PDZD2: variants seen among roughly 807,000 people sequenced by gnomAD.
PDZD2 encodes PDZ domain containing 2, also known as PDZ domain-containing protein 2.
A neutral mutation model predicts 220.7 loss-of-function variants in PDZD2; 90 were observed. The observed-to-expected ratio is 0.41, with a 90% CI of 0.34 to 0.49. The LOEUF is 0.49. Among genes scored for constraint, PDZD2 ranks in the 20% least tolerant of loss-of-function variants. PDZD2 has a pLI of 0.28. For missense variants in PDZD2, 3,174 were observed against 3,608.5 expected (o/e 0.88, Z 3.08); for synonymous variants, 1,375 against 1,450.5 (o/e 0.95, Z 1.18).
At chr5:31,743,068 C>G (rs984841075) in intron 1 of PDZD2, among the ~76,000 whole-genome samples, 6 of 152,194 alleles carry the variant, frequency 3.9e-5, no homozygotes, top group African/African-American at 1.2e-4. Context: ...AGCATTAGTA[C>G]TCTTTTCCCC....
chr5:31,670,207 A>G (rs1000941682), intron 1 of PDZD2, among the ~76,000 whole-genome samples: 1 of 152,164 alleles, frequency 6.6e-6, no homozygotes, highest in Non-Finnish European at 1.5e-5. Context: ...GAAGAAATGT[A>G]CATACATCCT....
chr5:31,968,007 T>C (rs144422441), intron 2 of PDZD2, among the ~76,000 whole-genome samples: 34 of 152,322 alleles, frequency 2.2e-4, no homozygotes, highest in African/African-American at 8.2e-4. Flanking sequence ...TGCTATAGAC[T>C]GAATGGTCTC....
intron 2 of PDZD2, among the ~76,000 whole-genome samples, chr5:31,869,950 C>T (rs1738630771): frequency 6.6e-6 from 1 of 152,128 alleles, no homozygotes; most frequent in African/African-American, 2.4e-5. Context: ...GCGATACTCT[C>T]CCACCACCCT....
chr5:31,818,566 C>G (rs1029627196), intron 2 of PDZD2, among the ~76,000 whole-genome samples: 1 of 152,068 alleles, frequency 6.6e-6, no homozygotes, highest in Admixed American at 6.6e-5. Flanking sequence ...GGCCAGCTAC[C>G]CTACCAGGCA....
At chr5:32,026,996 G>A (rs1197542737) in intron 6 of PDZD2, among the ~76,000 whole-genome samples, 1 of 152,028 alleles carries the variant, frequency 6.6e-6, no homozygotes, top group East Asian at 1.9e-4. Context: ...TCTGCCTCCC[G>A]GGCTCAAGCA....
chr5:32,087,407 T>C lies in PDZD2; in HGVS notation c.3959T>C (p.Val1320Ala), dbSNP rs1742585672. The change falls in exon 20 of 25, where the codon GTG becomes GCG. Residue 1320 changes from valine (V) to alanine (A), a missense_variant. Coordinates refer to ENST00000438447, the MANE Select transcript of PDZD2 (RefSeq NM_178140.4). The surrounding 1 kb of genome is among the most constrained non-coding windows in gnomAD (Gnocchi z 4.0). ...ETSTPHNTRRVAALRGAGPGA... is the reference protein window; with the variant it reads ...ETSTPHNTRRAAALRGAGPGA... Reference sequence around the variant, plus strand: ...AGCACACCCCACAATACCAGGAGGGTGGCTGCCCTCAGGGGAGCGGGACCT... The same window carrying C: ...AGCACACCCCACAATACCAGGAGGGCGGCTGCCCTCAGGGGAGCGGGACCT... The C allele has an allele frequency of 5.0e-6, 8 of 1,613,966 alleles. No individual in the cohort carries two copies. Among genetic ancestry groups the C allele is most frequent in the Non-Finnish European group, 6.8e-6 (8 of 1,179,968 alleles).
intron 6 of PDZD2, among the ~76,000 whole-genome samples, chr5:32,026,667 A>G (rs1363693856): frequency 6.6e-6 from 1 of 152,208 alleles, no homozygotes; most frequent in Non-Finnish European, 1.5e-5. Flanking sequence ...CACTGCTGAG[A>G]AATGACCCAA....
Position 32,088,487 on chromosome 5 carries a change from C to A in PDZD2, c.5039C>A (p.Ala1680Glu). 6.2e-7 allele frequency: 1 copy of A among 1,614,064 alleles called. No individual in the cohort carries two copies. The highest frequency in any genetic ancestry group is 8.5e-7 in the Non-Finnish European group (1 of 1,179,992). ...AGCTCTCAGGAGCATGAAACTCATGCGGACATAAGCACTTCACAGAACCAC... is the reference window on the plus strand; with the variant it reads ...AGCTCTCAGGAGCATGAAACTCATGAGGACATAAGCACTTCACAGAACCAC... ...EMSSQEHETH[A>E]DISTSQNHRP... The change falls in exon 20 of 25, where the codon GCG (alanine) becomes GAG (glutamate). Residue 1680 changes from alanine to glutamate, a missense_variant. Ala to Glu is a moderately radical substitution (Grantham distance 107, BLOSUM62 -1). Transcript: ENST00000438447. The surrounding 1 kb of genome is among the most constrained non-coding windows in gnomAD (Gnocchi z 4.6).
At chr5:32,010,248 C>A in intron 5 of PDZD2, 82 bp from the exon 6 acceptor site, 2 of 952,726 alleles carry the variant, frequency 2.1e-6, no homozygotes, top group Non-Finnish European at 1.6e-6. Flanking sequence ...GAGCATGTAG[C>A]TTGACTGTGC....
chr5:31,995,501 GA>G (rs1267252241), intron 3 of PDZD2, 74 bp from the exon 4 acceptor site: 1 of 1,512,202 alleles, frequency 6.6e-7, no homozygotes, highest in African/African-American at 1.4e-5. Flanking sequence ...GGCCAGACGT[GA>G]CAGCTCCGTT....
intron 6 of PDZD2, among the ~76,000 whole-genome samples, chr5:32,024,516 C>G (rs990490450): frequency 1.3e-5 from 2 of 152,024 alleles, no homozygotes; most frequent in African/African-American, 4.8e-5. Context: ...AACCTCGTCT[C>G]TACTAAAACT....
chr5:31,950,653 CCT>C (rs2111608554), intron 2 of PDZD2, among the ~76,000 whole-genome samples: 1 of 152,284 alleles, frequency 6.6e-6, no homozygotes, highest in African/African-American at 2.4e-5. Flanking sequence ...TAAAGGAAGA[CCT>C]CTTTAGTTGT....
At chr5:31,771,402 A>G (rs773865961) in intron 1 of PDZD2, among the ~76,000 whole-genome samples, 2 of 152,176 alleles carry the variant, frequency 1.3e-5, no homozygotes, top group African/African-American at 2.4e-5. Flanking sequence ...ATTAAAGTCT[A>G]TTACATCCTG....
rs368227675 is a variant in PDZD2, at chr5:32,098,662, G to A, written c.8218+28G>A. 25 of 1,592,996 alleles carry A rather than the reference G, an allele frequency of 1.6e-5. No individual in the cohort carries two copies. The African/African-American group carries it at 3.1e-4, about 20-fold the overall frequency. On this transcript the variant is annotated intron_variant, in intron 23 of 24. Transcript: ENST00000438447. The surrounding 1 kb of genome is among the most constrained non-coding windows in gnomAD (Gnocchi z 4.1). The stretch of plus-strand genomic sequence containing the variant: ...AAGATGATCATTTCAACAACCAGCA[G>A]GCTGTGAGCTACTGCAGAAAGAGGA...
chr5:31,735,488 TTGTAAACTC>T (rs1455104731), intron 1 of PDZD2, among the ~76,000 whole-genome samples: 3 of 152,166 alleles, frequency 2.0e-5, no homozygotes, highest in Admixed American at 6.5e-5. Flanking sequence ...CATGACCCAT[TTGTAAACTC>T]TGTATTTTAA....
chr5:31,783,193 C>CA (rs1467897105), intron 1 of PDZD2, among the ~76,000 whole-genome samples: 2 of 152,146 alleles, frequency 1.3e-5, no homozygotes, highest in Non-Finnish European at 2.9e-5. Flanking sequence ...AGTCATTCCT[C>CA]ACTGGCTTAA....
At chr5:31,695,078 C>T (rs182878581) in intron 1 of PDZD2, among the ~76,000 whole-genome samples, 64 of 151,866 alleles carry the variant, frequency 4.2e-4, no homozygotes, top group African/African-American at 1.5e-3. Context: ...GAGCCGAGAT[C>T]GCACCACTGC....
intron 1 of PDZD2, among the ~76,000 whole-genome samples, chr5:31,651,691 G>T (rs1745355927): frequency 6.6e-6 from 1 of 151,804 alleles, no homozygotes; most frequent in Non-Finnish European, 1.5e-5. Context: ...GAGTGCAGTG[G>T]CATGATCTCG....
intron 2 of PDZD2, among the ~76,000 whole-genome samples, chr5:31,866,863 G>C (rs768730105): frequency 3.3e-5 from 5 of 152,232 alleles, no homozygotes; most frequent in Admixed American, 1.3e-4. Context: ...GCAATTAGCT[G>C]TCATGTTTTT....
Sources: gnomAD v4.1 joint callset for allele counts (sites outside exome capture counted in the v4.1 genomes callset) on GRCh38, gnomAD v4.1.1 for gene constraint, Gnocchi (gnomAD v3.1) non-coding constraint, MANE v1.5 for transcripts, NCBI Gene and HGNC (gene_info 2026-07-23, HGNC 2026-07-21) for gene names.